The following EFNA5 variants were observed in gnomAD, a reference collection of about 807,000 sequenced individuals.
EFNA5 encodes the protein ephrin-A5.
EFNA5 carries 5 observed loss-of-function variants against 22.9 expected under a neutral mutation model. The ratio of observed to expected loss-of-function variants is 0.22; its 90% CI spans 0.11 to 0.46. The LOEUF is 0.46. Among genes scored for constraint, EFNA5 ranks in the 20% least tolerant of loss-of-function variants. The pLI, the probability that EFNA5 is intolerant of heterozygous loss-of-function variation, is 0.99. For synonymous variants in EFNA5, 113 were observed against 112.2 expected, an observed-to-expected ratio of 1.01 and a Z score of -0.04; for missense variants, 237 against 293.3, an observed-to-expected ratio of 0.81 and a Z score of 1.40.
At chr5:107,480,306 T>A (rs192682954) in intron 1 of EFNA5, among the ~76,000 whole-genome samples, 1 of 152,382 alleles carries the variant, frequency 6.6e-6, no homozygotes, top group East Asian at 1.9e-4. Context: ...GTCATTACTT[T>A]TATTTAAAAT....
intron 1 of EFNA5, among the ~76,000 whole-genome samples, chr5:107,546,575 A>G (rs1352371097): frequency 6.6e-6 from 1 of 152,100 alleles, no homozygotes; most frequent in African/African-American, 2.4e-5. Context: ...TGGCAGAGCA[A>G]TGAAATAGGA....
chr5:107,429,152 C>A (rs1420229681), intron 1 of EFNA5, among the ~76,000 whole-genome samples: 1 of 152,166 alleles, frequency 6.6e-6, no homozygotes, highest in Non-Finnish European at 1.5e-5. Flanking sequence ...TAGAAATATA[C>A]CACCTTCTAG....
rs1301172608 is a variant in EFNA5, at chr5:107,378,715, CT to C, written c.*2539del. The C allele has an allele frequency of 2.6e-5, 4 of 152,144 alleles. No individual in the cohort carries two copies. The highest frequency in any genetic ancestry group is 5.9e-5 in the Non-Finnish European group (4 of 68,022). 9.4% of individuals were successfully genotyped at this position (152,144 alleles called of 1,614,324 possible). ...GGTGAAGTAAAGGGGTCTAATTTCA[CT>C]GTGAAAAAATGAAAGACAATGGCAG... On this transcript the variant is annotated 3_prime_UTR_variant, in exon 5 of 5. Transcript: ENST00000333274.
At chr5:107,476,276 C>T in intron 1 of EFNA5, among the ~76,000 whole-genome samples, 1 of 151,278 alleles carries the variant, frequency 6.6e-6, no homozygotes, top group African/African-American at 2.4e-5. Flanking sequence ...TGGTCTTGAA[C>T]TCCTGACCTC....
chr5:107,543,087 A>C (rs1016840320), intron 1 of EFNA5, among the ~76,000 whole-genome samples: 2 of 152,206 alleles, frequency 1.3e-5, no homozygotes, highest in Non-Finnish European at 2.9e-5. Flanking sequence ...GTTCCCAAGA[A>C]ATGGAAGAGG....
chr5:107,458,477 T>C (rs972647389), intron 1 of EFNA5, among the ~76,000 whole-genome samples: 1 of 151,830 alleles, frequency 6.6e-6, no homozygotes, highest in African/African-American at 2.4e-5. Context: ...TTATCTACAA[T>C]TGGCAGAGGC....
intron 1 of EFNA5, among the ~76,000 whole-genome samples, chr5:107,571,048 C>T (rs1322033730): frequency 1.3e-5 from 2 of 152,206 alleles, no homozygotes; most frequent in African/African-American, 4.8e-5. Context: ...CTCTCTCTCT[C>T]AACAGGAAGT....
chr5:107,422,255 A>G (rs1748687995), intron 2 of EFNA5, among the ~76,000 whole-genome samples: 1 of 152,220 alleles, frequency 6.6e-6, no homozygotes, highest in South Asian at 2.1e-4. Context: ...TGGCGCCTGG[A>G]ACACAGTACA....
intron 1 of EFNA5, among the ~76,000 whole-genome samples, chr5:107,600,208 G>A (rs1454085635): frequency 6.6e-6 from 1 of 152,190 alleles, no homozygotes; most frequent in Non-Finnish European, 1.5e-5. Context: ...AAGTTAACAA[G>A]AGATGAATTG....
intron 1 of EFNA5, among the ~76,000 whole-genome samples, chr5:107,482,870 CTA>C (rs72399506): frequency 0.2 from 11,419 of 57,024 alleles, 482 homozygotes; most frequent in Non-Finnish European, 0.26. Context: ...CTCTCTCTCT[CTA>C]TATATATATA....
intron 2 of EFNA5, among the ~76,000 whole-genome samples, chr5:107,399,326 A>G (rs1368402159): frequency 7.1e-6 from 1 of 141,142 alleles, no homozygotes; most frequent in Non-Finnish European, 1.5e-5. Flanking sequence ...AACGGAAAGG[A>G]AAGGAAAGGA....
chr5:107,617,932 G>T (rs950844562), intron 1 of EFNA5, among the ~76,000 whole-genome samples: 1 of 152,062 alleles, frequency 6.6e-6, no homozygotes, highest in Non-Finnish European at 1.5e-5. Flanking sequence ...AAGCGGAGGT[G>T]GGGAAGACTG....
At chr5:107,437,343 G>A (rs1356607231) in intron 1 of EFNA5, among the ~76,000 whole-genome samples, 3 of 152,206 alleles carry the variant, frequency 2.0e-5, no homozygotes, top group East Asian at 1.9e-4. Flanking sequence ...AAATTGGCAC[G>A]TGCAAGGTAA....
intron 1 of EFNA5, among the ~76,000 whole-genome samples, chr5:107,494,241 T>TGTGGAG (rs1746899440): frequency 1.3e-5 from 2 of 151,698 alleles, no homozygotes; most frequent in Middle Eastern, 3.4e-3. Flanking sequence ...TGCAGGGAGG[T>TGTGGAG]GTGGAGGCGG....
chr5:107,567,184 A>G (rs988101166), intron 1 of EFNA5, among the ~76,000 whole-genome samples: 3 of 152,204 alleles, frequency 2.0e-5, no homozygotes, highest in African/African-American at 7.2e-5. Flanking sequence ...GACTCTGGTC[A>G]TTCCATGATG....
intron 1 of EFNA5, among the ~76,000 whole-genome samples, chr5:107,564,743 T>C (rs771258828): frequency 6.6e-6 from 1 of 151,816 alleles, no homozygotes; most frequent in South Asian, 2.1e-4. Flanking sequence ...TCAAGGGTCC[T>C]TTTTCAGATT....
chr5:107,525,668 T>C lies in EFNA5; in HGVS notation c.126-98159A>G, dbSNP rs1747680958. On this transcript the variant is annotated intron_variant, in intron 1 of 4. Transcript: ENST00000333274. ...TTCATTAAGTGGAAGTGGATTATCATAAGTTTTCATTCTCATCATCTTCAT... is the reference window on the plus strand; with the variant it reads ...TTCATTAAGTGGAAGTGGATTATCACAAGTTTTCATTCTCATCATCTTCAT... Among the ~76,000 whole-genome samples the C allele has an allele frequency of 2.6e-5, 4 of 152,174 alleles. No homozygotes were observed. In the South Asian group the frequency reaches 8.3e-4, roughly 31 times the overall value.
chr5:107,430,679 C>G (rs943600813), intron 1 of EFNA5, among the ~76,000 whole-genome samples: 1 of 151,876 alleles, frequency 6.6e-6, no homozygotes, highest in Non-Finnish European at 1.5e-5. Flanking sequence ...GCTATCCCTT[C>G]TGATGACATT....
intron 1 of EFNA5, among the ~76,000 whole-genome samples, chr5:107,486,495 G>T (rs1369399293): frequency 6.6e-6 from 1 of 152,152 alleles, no homozygotes; most frequent in Non-Finnish European, 1.5e-5. Flanking sequence ...AAATCCTGAG[G>T]CTATAAAAGA....
Sources: gnomAD v4.1 joint callset for allele counts (sites outside exome capture counted in the v4.1 genomes callset) on GRCh38, gnomAD v4.1.1 for gene constraint, MANE v1.5 for transcripts, NCBI Gene and HGNC (gene_info 2026-07-23, HGNC 2026-07-21) for gene names.